PDE2A: variants seen among roughly 807,000 people sequenced by gnomAD.
The protein encoded by PDE2A is phosphodiesterase 2A.
A neutral mutation model predicts 133.6 loss-of-function variants in PDE2A; 53 were observed. The ratio of observed to expected loss-of-function variants is 0.40; its 90% CI spans 0.32 to 0.50. The LOEUF is 0.50. PDE2A is among the 20% of genes least tolerant of loss of function. The pLI, the probability that PDE2A is intolerant of heterozygous loss-of-function variation, is 0.73. For synonymous variants in PDE2A, 491 were observed against 490.2 expected, an observed-to-expected ratio of 1.00 and a Z score of -0.02; for missense variants, 796 against 1,232.4, an observed-to-expected ratio of 0.65 and a Z score of 5.30.
intron 12 of PDE2A, 68 bp downstream of exon 12, chr11:72,589,107 A>T: frequency 1.4e-6 from 2 of 1,416,646 alleles, no homozygotes; most frequent in East Asian, 2.3e-5. Context: ...TGTAACAGAG[A>T]CCCTGGCTCT....
chr11:72,590,061 C>T lies in PDE2A; in HGVS notation c.757-80G>A, dbSNP rs765714613. On this transcript the variant is annotated intron_variant, in intron 9 of 30. Coordinates refer to ENST00000334456, the MANE Select transcript of PDE2A (RefSeq NM_002599.5). This position sits in a 1 kb window ranked among gnomAD's most constrained non-coding sequence, Gnocchi z 4.8. ...TCCCCACCTGCTCCCCTCTCCGGGG[C>T]TCTTCAGGCGGGTGGAGGAGAGAGG... is the stretch of plus-strand genomic sequence containing the variant. 1.0e-4 allele frequency: 144 copies of T among 1,421,840 alleles called. No individual in the cohort carries two copies. The highest frequency in any genetic ancestry group is 9.5e-4 in the Middle Eastern group (5 of 5,286). The allele number at this position is 1,421,840 out of a possible 1,614,324, so 88.1% of individuals were successfully genotyped here. A position where few individuals can be genotyped will look rare whatever the true frequency, so the allele number is the denominator to read the frequency against.
In PDE2A at chr11:72,578,855, AG is replaced by A; in HGVS notation, c.2469+41del. Reference sequence around the variant, plus strand: ...GCACAGGGGGCACCCAAAGCTGGGCAGGGTGGGCAGCCTGTGCCTTCCCAGG... The same window carrying A: ...GCACAGGGGGCACCCAAAGCTGGGCAGGTGGGCAGCCTGTGCCTTCCCAGG... On this transcript the variant is annotated intron_variant, in intron 28 of 30. Transcript: ENST00000334456. The surrounding 1 kb of genome is among the most constrained non-coding windows in gnomAD (Gnocchi z 4.2). 1 of 1,245,000 alleles carries A rather than the reference AG, an allele frequency of 8.0e-7. No homozygotes were observed. Among genetic ancestry groups the A allele is most frequent in the Non-Finnish European group, 1.2e-6 (1 of 845,910 alleles). The allele number at this position is 1,245,000 out of a possible 1,614,324, so 77.1% of individuals were successfully genotyped here. A position where few individuals can be genotyped will look rare whatever the true frequency, so the allele number is the denominator to read the frequency against.
intron 2 of PDE2A, among the ~76,000 whole-genome samples, chr11:72,627,992 G>T (rs1858170793): frequency 2.6e-5 from 4 of 152,242 alleles, no homozygotes; most frequent in African/African-American, 9.6e-5. Flanking sequence ...TCCCAGGAGG[G>T]TGTGCTGAAC....
Position 72,581,866 on chromosome 11 carries a change from G to A in PDE2A, c.1922+11C>T. 6.2e-7 allele frequency: 1 copy of A among 1,613,058 alleles called. No homozygotes were observed. Among genetic ancestry groups the A allele is most frequent in the Non-Finnish European group, 8.5e-7 (1 of 1,179,136 alleles). ...GAGGCGAAGACTGGGGCTGTCTGTG[G>A]GCGCACGAACCGGGCCAGGGTCGGG... On this transcript the variant is annotated intron_variant, in intron 22 of 30. Coordinates refer to ENST00000334456, the MANE Select transcript of PDE2A (RefSeq NM_002599.5).
rs375998153 is a variant in PDE2A at position 72,673,085 on chromosome 11, C to T, written c.71+1052G>A. The stretch of plus-strand genomic sequence containing the variant: ...ATACGCACACAGCCACATCCACCTC[C>T]ACACACAGCAATGCTATTATTCACA... On this transcript the variant is annotated intron_variant, in intron 1 of 30. Transcript: ENST00000334456. 3.3e-5 allele frequency among the ~76,000 whole-genome samples: 5 copies of T among 152,248 alleles called. 1 individual carries two copies. The East Asian group carries it at 7.7e-4, about 23-fold the overall frequency.
intron 1 of PDE2A, among the ~76,000 whole-genome samples, chr11:72,671,245 G>A (rs1477680353): frequency 6.6e-6 from 1 of 152,230 alleles, no homozygotes; most frequent in Non-Finnish European, 1.5e-5. Context: ...CAGGGACTCA[G>A]TCAGTGTCTG....
intron 2 of PDE2A, among the ~76,000 whole-genome samples, chr11:72,625,418 G>A (rs1858008881): frequency 6.6e-6 from 1 of 152,240 alleles, no homozygotes; most frequent in Admixed American, 6.5e-5. Flanking sequence ...GACAGGACCA[G>A]CCCAATGCTC....
At chr11:72,586,747 C>T (rs1855992469) in intron 13 of PDE2A, among the ~76,000 whole-genome samples, 2 of 152,224 alleles carry the variant, frequency 1.3e-5, no homozygotes, top group South Asian at 4.1e-4. Context: ...TGGGGAGCTG[C>T]ATGGGGCTGG....
intron 2 of PDE2A, among the ~76,000 whole-genome samples, chr11:72,614,684 T>C (rs1857374555): frequency 1.3e-5 from 2 of 152,186 alleles, no homozygotes; most frequent in Admixed American, 1.3e-4. Context: ...TGACACTATC[T>C]TGGATCCTCC....
chr11:72,615,243 C>T, intron 2 of PDE2A: 1 of 302,900 alleles, frequency 3.3e-6, no homozygotes, highest in Non-Finnish European at 7.9e-6. Flanking sequence ...GCCTCTCGCC[C>T]TTCCCAAGCC....
At chr11:72,579,446 A>G in intron 26 of PDE2A, 63 bp from the exon 27 acceptor site, 1 of 1,568,098 alleles carries the variant, frequency 6.4e-7, no homozygotes, top group Non-Finnish European at 8.7e-7. Context: ...TGCCCATCCC[A>G]GTGAGCCTCC....
chr11:72,611,565 A>G (rs78319818), intron 2 of PDE2A, among the ~76,000 whole-genome samples: 2,518 of 152,270 alleles, frequency 0.017, 38 homozygotes, highest in Non-Finnish European at 0.019. Context: ...CAAGTGCAGG[A>G]TAGTAGCAAT....
Position 72,580,954 on chromosome 11 carries a change from A to T in PDE2A, c.2065T>A (p.Leu689Met), listed in dbSNP as rs1404131436. 1 of 1,612,788 alleles carries T rather than the reference A, an allele frequency of 6.2e-7. No homozygotes were observed. Among genetic ancestry groups the T allele is most frequent in the Non-Finnish European group, 8.5e-7 (1 of 1,178,986 alleles). The change falls in exon 24 of 31, where the codon TTG (leucine) becomes ATG (methionine). Residue 689 changes from leucine (L) to methionine (M), a missense_variant. Coordinates refer to ENST00000334456, the MANE Select transcript of PDE2A (RefSeq NM_002599.5). ...TCATGACACATGCAGGAAATAAACA[A>T]GGCAAAGATCTCGATGTCCCTGGTT... is the stretch of plus-strand genomic sequence containing the variant. Reference protein sequence around the residue: ...NYLEDIEIFALFISCMCHDLD... With the variant: ...NYLEDIEIFAMFISCMCHDLD...
intron 21 of PDE2A, 97 bp downstream of exon 21, chr11:72,582,347 G>A (rs760202304): frequency 8.1e-7 from 1 of 1,233,128 alleles, no homozygotes; most frequent in Non-Finnish European, 1.2e-6. Flanking sequence ...CTTCCTTGAT[G>A]ACTCTGTCTT....
At chr11:72,583,609 C>G (rs1479688465) in intron 19 of PDE2A, 94 bp from the exon 20 acceptor site, 48 of 821,420 alleles carry the variant, frequency 5.8e-5, no homozygotes, top group Non-Finnish European at 9.6e-5. Context: ...AAAGACACCC[C>G]ACTTCCTGTC....
intron 1 of PDE2A, chr11:72,643,234 C>T (rs1399325665): frequency 1.3e-5 from 2 of 152,248 alleles, no homozygotes; most frequent in African/African-American, 4.8e-5. Flanking sequence ...GCAATCCGGC[C>T]TCAGTTGCCG....
chr11:72,599,079 C>T (rs1012854265), intron 4 of PDE2A: 48 of 976,284 alleles, frequency 4.9e-5, no homozygotes, highest in Non-Finnish European at 5.6e-5. Context: ...TGGCCTCAGA[C>T]AATCTGGTTA....
chr11:72,596,190 C>T (rs1187264763), intron 6 of PDE2A, among the ~76,000 whole-genome samples: 1 of 152,144 alleles, frequency 6.6e-6, no homozygotes, highest in African/African-American at 2.4e-5. Flanking sequence ...GGTTCATGCC[C>T]TCCTGGACAT....
chr11:72,614,877 G>C (rs1013260844), intron 2 of PDE2A, among the ~76,000 whole-genome samples: 1 of 152,114 alleles, frequency 6.6e-6, no homozygotes, highest in Non-Finnish European at 1.5e-5. Context: ...GGGAGATATG[G>C]ATAACAAGGC....
Sources: allele counts gnomAD v4.1 joint callset (sites outside exome capture counted in the v4.1 genomes callset), GRCh38; gene constraint gnomAD v4.1.1; non-coding constraint Gnocchi (gnomAD v3.1); transcripts MANE v1.5; gene names NCBI Gene and HGNC (gene_info 2026-07-23, HGNC 2026-07-21).